RALYL: variants seen among roughly 807,000 people sequenced by gnomAD.
RALYL encodes RNA-binding Raly-like protein.
Under a neutral mutation model 35.1 loss-of-function variants are expected in RALYL, and 29 were observed. The observed-to-expected ratio is 0.83, with a 90% CI of 0.61 to 1.13. RALYL has a LOEUF of 1.13. Ranked by LOEUF, RALYL falls within the 50% of genes most tolerant of loss-of-function variation. RALYL has a pLI of 0.00. For missense variants in RALYL, 359 were observed against 360.4 expected (o/e 1.00, Z 0.03); for synonymous variants, 120 against 127.6 (o/e 0.94, Z 0.40).
chr8:84,716,369 G>T lies in RALYL; in HGVS notation c.257-58210G>T, dbSNP rs1589163015. Reference sequence around the variant, plus strand: ...TTATAGTCTCAGTAATTAGTGAGAGGTTGGCTCACAATTACATAAAAATAA... The same window carrying T: ...TTATAGTCTCAGTAATTAGTGAGAGTTTGGCTCACAATTACATAAAAATAA... On this transcript the variant is annotated intron_variant, in intron 2 of 8. Transcript: ENST00000521268. Among the ~76,000 whole-genome samples, 3 of 152,224 alleles carry T rather than the reference G, an allele frequency of 2.0e-5. 1 individual carries two copies. In the South Asian group the frequency reaches 6.2e-4, roughly 32 times the overall value.
At chr8:84,605,937 C>T (rs895020611) in intron 2 of RALYL, among the ~76,000 whole-genome samples, 5 of 152,060 alleles carry the variant, frequency 3.3e-5, no homozygotes, top group Admixed American at 6.6e-5. Context: ...TTAAGTATAG[C>T]CAGAGTTATT....
chr8:84,445,908 T>C (rs1041907832), intron 1 of RALYL, among the ~76,000 whole-genome samples: 4 of 151,502 alleles, frequency 2.6e-5, no homozygotes, highest in Admixed American at 2.6e-4. Flanking sequence ...ATTCTACTTT[T>C]TTAAAAGGAG....
At chr8:84,868,217 T>A (rs1332887789) in intron 6 of RALYL, among the ~76,000 whole-genome samples, 1 of 152,016 alleles carries the variant, frequency 6.6e-6, no homozygotes, top group African/African-American at 2.4e-5. Context: ...ACTTAAAAAA[T>A]TTTTTTAGAA....
chr8:84,817,356 T>C (rs1016485995), intron 4 of RALYL, among the ~76,000 whole-genome samples: 13 of 152,028 alleles, frequency 8.6e-5, no homozygotes, highest in Non-Finnish European at 1.9e-4. Flanking sequence ...ACCTCATATT[T>C]AGTAACAGAT....
At chr8:84,363,692 G>A (rs1190465034) in intron 1 of RALYL, among the ~76,000 whole-genome samples, 1 of 152,190 alleles carries the variant, frequency 6.6e-6, no homozygotes, top group Non-Finnish European at 1.5e-5. Flanking sequence ...GGGTTGGGAA[G>A]CGTAAAAACG....
At chr8:84,388,639 CT>C (rs1401465984) in intron 1 of RALYL, among the ~76,000 whole-genome samples, 1 of 152,082 alleles carries the variant, frequency 6.6e-6, no homozygotes, top group Non-Finnish European at 1.5e-5. Flanking sequence ...TAAATGTCTT[CT>C]TTTGAGAAGT....
intron 2 of RALYL, among the ~76,000 whole-genome samples, chr8:84,612,441 G>C (rs1452063526): frequency 6.6e-6 from 1 of 151,894 alleles, no homozygotes; most frequent in Non-Finnish European, 1.5e-5. Context: ...AGGCTTTGTT[G>C]CTGGCATATA....
At chr8:84,332,724 C>A (rs1217239639) in intron 1 of RALYL, among the ~76,000 whole-genome samples, 1 of 152,008 alleles carries the variant, frequency 6.6e-6, no homozygotes, top group Non-Finnish European at 1.5e-5. Context: ...TCCTAGTGAC[C>A]TTTACAAGAG....
intron 1 of RALYL, among the ~76,000 whole-genome samples, chr8:84,395,696 G>C (rs1481459911): frequency 6.7e-6 from 1 of 150,216 alleles, no homozygotes; most frequent in Non-Finnish European, 1.5e-5. Flanking sequence ...TCCTTAGGTA[G>C]AGTCTAATAA....
At chr8:84,680,275 G>A (rs1835149128) in intron 2 of RALYL, among the ~76,000 whole-genome samples, 1 of 152,106 alleles carries the variant, frequency 6.6e-6, no homozygotes, top group Admixed American at 6.6e-5. Context: ...TTGGTTCCAA[G>A]TCTTTGCTAT....
At chr8:84,661,589 CAT>C (rs748219221) in intron 2 of RALYL, among the ~76,000 whole-genome samples, 1 of 148,942 alleles carries the variant, frequency 6.7e-6, no homozygotes, top group South Asian at 2.1e-4. Context: ...AGTTTTTTGA[CAT>C]AGTTTTTTTT....
At chr8:84,777,328 A>C (rs895618219) in intron 3 of RALYL, among the ~76,000 whole-genome samples, 1 of 152,190 alleles carries the variant, frequency 6.6e-6, no homozygotes, top group Non-Finnish European at 1.5e-5. Flanking sequence ...CTGAGCATCA[A>C]ACCAATCATC....
intron 7 of RALYL, among the ~76,000 whole-genome samples, chr8:84,877,337 A>T (rs1385048258): frequency 6.6e-6 from 1 of 152,084 alleles, no homozygotes; most frequent in East Asian, 1.9e-4. Flanking sequence ...AAATACAAAA[A>T]TTAGCCGGAT....
intron 2 of RALYL, among the ~76,000 whole-genome samples, chr8:84,753,177 G>A (rs903843246): frequency 3.3e-5 from 5 of 152,178 alleles, no homozygotes; most frequent in Admixed American, 6.5e-5. Context: ...TAAGATTAAT[G>A]AATTCCCTGC....
intron 1 of RALYL, among the ~76,000 whole-genome samples, chr8:84,452,493 A>C (rs1292809498): frequency 3.3e-5 from 5 of 151,926 alleles, no homozygotes; most frequent in African/African-American, 1.2e-4. Flanking sequence ...ATATTAGGAA[A>C]CTTTTTTGGT....
At chr8:84,349,740 C>T (rs146956981) in intron 1 of RALYL, among the ~76,000 whole-genome samples, 1 of 150,548 alleles carries the variant, frequency 6.6e-6, no homozygotes, top group Non-Finnish European at 1.5e-5. Flanking sequence ...AAGTTTGAGG[C>T]TACATCTTCA....
chr8:84,718,485 C>T (rs927801876), intron 2 of RALYL, among the ~76,000 whole-genome samples: 1 of 151,960 alleles, frequency 6.6e-6, no homozygotes, highest in Non-Finnish European at 1.5e-5. Flanking sequence ...ATTCTCTGGC[C>T]GGGCGCGGTG....
chr8:84,397,459 A>G (rs2042454561), intron 1 of RALYL, among the ~76,000 whole-genome samples: 1 of 152,176 alleles, frequency 6.6e-6, no homozygotes, highest in African/African-American at 2.4e-5. Flanking sequence ...ATCCCTGCAG[A>G]GATGATTAGC....
At chr8:84,196,204 A>G (rs916084661) in intron 1 of RALYL, among the ~76,000 whole-genome samples, 2 of 152,164 alleles carry the variant, frequency 1.3e-5, no homozygotes, top group African/African-American at 4.8e-5. Context: ...TTTATTTCAT[A>G]ATTGCTGGAT....
Sources: gnomAD v4.1 joint callset for allele counts (sites outside exome capture counted in the v4.1 genomes callset) on GRCh38, gnomAD v4.1.1 for gene constraint, MANE v1.5 for transcripts, NCBI Gene and HGNC (gene_info 2026-07-23, HGNC 2026-07-21) for gene names.